MRPS33: variants seen among roughly 807,000 people sequenced by gnomAD.
MRPS33 encodes mitochondrial ribosomal protein S33, also known as small ribosomal subunit protein mS33.
A neutral mutation model predicts 11.2 loss-of-function variants in MRPS33; 11 were observed. That is an observed-to-expected ratio of 0.99 (90% CI 0.62 to 1.63). The LOEUF is 1.63. Among genes scored for constraint, MRPS33 ranks in the 40% most tolerant of loss-of-function variants. The pLI, the probability that MRPS33 is intolerant of heterozygous loss-of-function variation, is 0.00. For synonymous variants in MRPS33, 46 were observed against 44.0 expected (o/e 1.05, Z -0.18); for missense variants, 109 against 127.8 (o/e 0.85, Z 0.71).
rs761599580 is a variant in MRPS33, at chr7:141,010,626, G to A, written c.8C>T (p.Ser3Phe). 16 of 1,614,130 alleles carry A rather than the reference G, an allele frequency of 9.9e-6. No homozygotes were observed. Among genetic ancestry groups the A allele is most frequent in the Non-Finnish European group, 1.4e-5 (16 of 1,179,974 alleles). ...CATGCGGAAGGCATATTCTGAAAGG[G>A]AGGACATTTCTTGAGTGGCAAGGAG... Reference protein sequence around the residue: MSSLSEYAFRMSR... With the variant: MSFLSEYAFRMSR... The change falls in exon 2 of 3, where the codon TCC (serine) becomes TTC (phenylalanine). Residue 3 changes from serine to phenylalanine, a missense_variant. Physicochemically the swap from Ser to Phe is radical, Grantham distance 155. Coordinates refer to ENST00000324787, the MANE Select transcript of MRPS33 (RefSeq NM_053035.3).
intron 1 of MRPS33, among the ~76,000 whole-genome samples, chr7:141,013,368 C>G (rs1820726258): frequency 1.3e-5 from 2 of 152,194 alleles, no homozygotes; most frequent in South Asian, 4.1e-4. Context: ...ATGGTTATAT[C>G]ATAAAATCCA....
rs1431597141 is a variant in MRPS33, at chr7:141,006,542, G to A, written c.216-7C>T. 9 of 1,607,876 alleles carry A rather than the reference G, an allele frequency of 5.6e-6. No individual in the cohort carries two copies. In the East Asian group the frequency reaches 1.3e-4, roughly 24 times the overall value. On this transcript the variant is annotated splice_polypyrimidine_tract_variant and splice_region_variant and intron_variant, in intron 2 of 2. Transcript: ENST00000324787. ...AAAATCCTGATGCTCATCTCTGAATGAAGAAGGAAAAAATAATTAACCAGT... is the reference window on the plus strand; with the variant it reads ...AAAATCCTGATGCTCATCTCTGAATAAAGAAGGAAAAAATAATTAACCAGT...
At chr7:141,006,921 G>A (rs1438643685) in intron 2 of MRPS33, among the ~76,000 whole-genome samples, 1 of 152,184 alleles carries the variant, frequency 6.6e-6, no homozygotes, top group East Asian at 1.9e-4. Context: ...GACCCTGACT[G>A]CCCTAGGAAC....
chr7:141,008,686 C>T (rs1033973286), intron 2 of MRPS33, among the ~76,000 whole-genome samples: 3 of 152,004 alleles, frequency 2.0e-5, no homozygotes, highest in Non-Finnish European at 4.4e-5. Context: ...AAGACAACTC[C>T]AATTACAACT....
intron 1 of MRPS33, among the ~76,000 whole-genome samples, chr7:141,013,063 A>AG (rs1163863242): frequency 6.7e-6 from 1 of 149,590 alleles, no homozygotes; most frequent in Non-Finnish European, 1.5e-5. Flanking sequence ...ATGTTTAAGA[A>AG]AAAAAAAAAA....
chr7:141,009,465 T>C (rs1457273300), intron 2 of MRPS33, among the ~76,000 whole-genome samples: 2 of 151,610 alleles, frequency 1.3e-5, no homozygotes, highest in Non-Finnish European at 2.9e-5. Flanking sequence ...ATGCACACAG[T>C]TCTAAGCACC....
intron 2 of MRPS33, among the ~76,000 whole-genome samples, chr7:141,008,029 C>G (rs1820577519): frequency 6.6e-6 from 1 of 152,134 alleles, no homozygotes. Context: ...ACCTGGTTAA[C>G]TGAATGAATC....
chr7:141,014,202 A>G (rs949009602), intron 1 of MRPS33: 2 of 152,214 alleles, frequency 1.3e-5, no homozygotes, highest in African/African-American at 2.4e-5. Context: ...TGCGATGTGA[A>G]GCTAATATGC....
Position 141,010,592 on chromosome 7 carries a change from G to A in MRPS33, c.42C>T (p.Leu14=). The A allele has an allele frequency of 1.9e-6, 3 of 1,614,240 alleles. No homozygotes were observed. Among genetic ancestry groups the A allele is most frequent in the Non-Finnish European group, 2.5e-6 (3 of 1,180,040 alleles). Residue 14 remains leucine, a synonymous_variant, in exon 2 of 3, where the codon CTC becomes CTT. Transcript: ENST00000324787. ...TGACTTCACCAAATAGCCGGGCACT[G>A]AGACGAGACATGCGGAAGGCATATT... The part of the protein sequence containing the change: ...LSEYAFRMSR[L]SARLFGEVTR...
chr7:141,010,321 T>A, intron 2 of MRPS33, 98 bp downstream of exon 2: 3 of 1,204,156 alleles, frequency 2.5e-6, no homozygotes, highest in Admixed American at 2.3e-5. Flanking sequence ...GGCTCTATTA[T>A]AAGAACAAAA....
At chr7:141,013,629 C>T (rs1820731806) in intron 1 of MRPS33, among the ~76,000 whole-genome samples, 1 of 152,148 alleles carries the variant, frequency 6.6e-6, no homozygotes, top group South Asian at 2.1e-4. Flanking sequence ...TCGGGGAGTA[C>T]AAGTCACTTT....
rs1473949410 is a variant in MRPS33, at chr7:141,005,216, AC to A, written c.*1213del. 2 of 152,234 alleles carry A rather than the reference AC, an allele frequency of 1.3e-5. No individual in the cohort carries two copies. Among genetic ancestry groups the A allele is most frequent in the African/African-American group, 2.4e-5 (1 of 41,464 alleles). 9.4% of individuals were successfully genotyped at this position (152,234 alleles called of 1,614,324 possible). A position where few individuals can be genotyped will look rare whatever the true frequency, so the allele number is the denominator to read the frequency against. On this transcript the variant is annotated 3_prime_UTR_variant, in exon 3 of 3. Coordinates refer to ENST00000324787, the MANE Select transcript of MRPS33 (RefSeq NM_053035.3). ...TCTGGCCTCTGTTTTCTTACAGCCA[AC>A]CATGAACAAACTCAGTGTTTCTTGA...
chr7:141,011,289 A>T (rs1388716155), intron 1 of MRPS33, among the ~76,000 whole-genome samples: 5 of 152,216 alleles, frequency 3.3e-5, no homozygotes, highest in Admixed American at 1.3e-4. Flanking sequence ...CCAATAGCTC[A>T]AAAGATCCAT....
intron 1 of MRPS33, among the ~76,000 whole-genome samples, chr7:141,012,173 C>CATAAAAAAA (rs1820690896): frequency 1.7e-5 from 1 of 58,780 alleles, no homozygotes; most frequent in Non-Finnish European, 2.8e-5. Context: ...GATTGTGTGT[C>CATAAAAAAA]AAAAAAAAAA....
At position 141,010,252 on chromosome 7, in the gene MRPS33, C is replaced by CATTATGGGT. The variant is rs1397877944; in HGVS notation, c.215+158_215+166dup. On this transcript the variant is annotated intron_variant, in intron 2 of 2. Coordinates refer to ENST00000324787, the MANE Select transcript of MRPS33 (RefSeq NM_053035.3). ...ATTTCCTTTTTTTTTTTGGTCTCTC[C>CATTATGGGT]ATTATGGGTATTTTGAAAGAAGACT... The CATTATGGGT allele has an allele frequency of 2.2e-5, 14 of 627,082 alleles. No individual in the cohort carries two copies. The Admixed American group carries it at 3.6e-4, about 16-fold the overall frequency. The allele number at this position is 627,082 out of a possible 1,614,324, so 38.8% of individuals were successfully genotyped here.
chr7:141,006,805 C>T (rs903906296), intron 2 of MRPS33, among the ~76,000 whole-genome samples: 1 of 152,152 alleles, frequency 6.6e-6, no homozygotes, highest in African/African-American at 2.4e-5. Flanking sequence ...CTACATAAAC[C>T]TACATAACAA....
rs1179639733 is a variant in MRPS33 at position 141,005,014 on chromosome 7, T to G, written c.*1416A>C. On this transcript the variant is annotated 3_prime_UTR_variant, in exon 3 of 3. Transcript: ENST00000324787. ...CACCCGCCTCGACCTCCCAAAGTGC[T>G]GGGATTACAGGCGTGAGCCACTGTG... 6.6e-6 allele frequency: 1 copy of G among 152,316 alleles called. No homozygotes were observed. Among genetic ancestry groups the G allele is most frequent in the Admixed American group, 6.5e-5 (1 of 15,286 alleles). 9.4% of individuals were successfully genotyped at this position (152,316 alleles called of 1,614,324 possible).
At chr7:141,010,198 A>T in intron 2 of MRPS33, 3 of 540,734 alleles carry the variant, frequency 5.5e-6, no homozygotes, top group South Asian at 4.5e-5. Flanking sequence ...TTGTAGACAT[A>T]ATTAAAATAT....
At chr7:141,012,591 T>C (rs960789347) in intron 1 of MRPS33, among the ~76,000 whole-genome samples, 1 of 152,372 alleles carries the variant, frequency 6.6e-6, no homozygotes, top group East Asian at 1.9e-4. Flanking sequence ...GTTACCTTTT[T>C]CCAAACATTA....
Sources: gnomAD v4.1 joint callset for allele counts (sites outside exome capture counted in the v4.1 genomes callset) on GRCh38, gnomAD v4.1.1 for gene constraint, MANE v1.5 for transcripts, NCBI Gene and HGNC (gene_info 2026-07-23, HGNC 2026-07-21) for gene names.